EML4: variants seen among roughly 807,000 people sequenced by gnomAD.
The protein encoded by EML4 is EMAP like 4, also known as echinoderm microtubule-associated protein-like 4.
EML4 carries 72 observed loss-of-function variants against 129.0 expected under a neutral mutation model. The ratio of observed to expected loss-of-function variants is 0.56; its 90% CI spans 0.46 to 0.68. The LOEUF (loss-of-function observed/expected upper bound fraction) is 0.68. Ranked by LOEUF, EML4 falls within the 30% of genes least tolerant of loss-of-function variation. The pLI is 0.00. For synonymous variants in EML4, 532 were observed against 405.0 expected (o/e 1.31, Z -3.77); for missense variants, 1,363 against 1,190.6 (o/e 1.14, Z -2.13).
intron 1 of EML4, among the ~76,000 whole-genome samples, chr2:42,219,269 C>T (rs183690072): frequency 2.0e-5 from 3 of 152,240 alleles, no homozygotes; most frequent in South Asian, 4.1e-4. Context: ...TTCAACCAAA[C>T]GTGGATTGAA....
chr2:42,250,836 C>G (rs1675717838), intron 2 of EML4, among the ~76,000 whole-genome samples: 1 of 152,072 alleles, frequency 6.6e-6, no homozygotes, highest in Admixed American at 6.6e-5. Context: ...TACAACTCAC[C>G]ATAATGTAGA....
At chr2:42,282,720 GTCT>G in intron 7 of EML4, 100 bp from the exon 8 acceptor site, 2 of 1,033,114 alleles carry the variant, frequency 1.9e-6, no homozygotes, top group Non-Finnish European at 3.0e-6. Flanking sequence ...TTCTAGTTCA[GTCT>G]TCTTCATTGT....
intron 6 of EML4, among the ~76,000 whole-genome samples, chr2:42,273,158 A>C (rs1666468678): frequency 6.6e-6 from 1 of 152,158 alleles, no homozygotes; most frequent in Non-Finnish European, 1.5e-5. Context: ...TTTTTCATTT[A>C]TTTAGTGCTT....
rs141023873 is a variant in EML4, at chr2:42,235,728, C to A, written c.26-9777C>A. The stretch of plus-strand genomic sequence containing the variant: ...TTTTGAAATGAAGGACTGTTTTTTT[C>A]CTTAGGTTTGTAGATAATTAATCTT... On this transcript the variant is annotated intron_variant, in intron 1 of 22. Coordinates refer to ENST00000318522, the MANE Select transcript of EML4 (RefSeq NM_019063.5). Among the ~76,000 whole-genome samples the A allele has an allele frequency of 5.2e-4, 79 of 151,398 alleles. No individual in the cohort carries two copies. In the East Asian group the frequency reaches 7.5e-3, roughly 14 times the overall value.
intron 13 of EML4, among the ~76,000 whole-genome samples, chr2:42,298,659 A>G (rs1484082925): frequency 6.6e-6 from 1 of 152,146 alleles, no homozygotes; most frequent in Non-Finnish European, 1.5e-5. Context: ...ATCACTATAT[A>G]GAGTATTTTT....
chr2:42,192,432 G>T lies in EML4; in HGVS notation c.25+22796G>T, dbSNP rs188901902. 2.7e-3 allele frequency among the ~76,000 whole-genome samples: 407 copies of T among 152,032 alleles called. 2 individuals carry two copies. The highest frequency in any genetic ancestry group is 9.4e-3 in the African/African-American group (390 of 41,466). On this transcript the variant is annotated intron_variant, in intron 1 of 22. Transcript: ENST00000318522. ...TTTTTATATTTTTAGTAAAGGCAGGGTTTCACCACGTTGGCCGGACTGGTC... is the reference window on the plus strand; with the variant it reads ...TTTTTATATTTTTAGTAAAGGCAGGTTTTCACCACGTTGGCCGGACTGGTC...
At chr2:42,284,306 C>G (rs939463639) in intron 8 of EML4, among the ~76,000 whole-genome samples, 5 of 152,168 alleles carry the variant, frequency 3.3e-5, no homozygotes, top group African/African-American at 1.2e-4. Context: ...TGCATCTTCA[C>G]TATAATAAAG....
At chr2:42,170,588 T>C (rs558241636) in intron 1 of EML4, among the ~76,000 whole-genome samples, 3 of 152,336 alleles carry the variant, frequency 2.0e-5, no homozygotes, top group African/African-American at 7.2e-5. Context: ...TTCGCTGCCC[T>C]AGAAGCTGAA....
intron 11 of EML4, chr2:42,288,969 C>T (rs927942473): frequency 1.3e-4 from 20 of 152,154 alleles, no homozygotes. Flanking sequence ...TTTAAAAAGT[C>T]TGTGTAATAT....
chr2:42,205,189 A>G (rs781287069), intron 1 of EML4, among the ~76,000 whole-genome samples: 32 of 152,190 alleles, frequency 2.1e-4, no homozygotes, highest in Non-Finnish European at 3.8e-4. Flanking sequence ...TTAGATTACA[A>G]TTTGACATTT....
At chr2:42,270,825 T>C (rs1438609832) in intron 6 of EML4, among the ~76,000 whole-genome samples, 1 of 152,208 alleles carries the variant, frequency 6.6e-6, no homozygotes, top group Non-Finnish European at 1.5e-5. Context: ...TTGTTGAGTG[T>C]GGATAAACAG....
chr2:42,321,369 A>T (rs1005627631), intron 19 of EML4, among the ~76,000 whole-genome samples: 7 of 152,134 alleles, frequency 4.6e-5, no homozygotes, highest in African/African-American at 1.7e-4. Context: ...GGCGACAGCG[A>T]GACTCACATC....
At position 42,330,665 on chromosome 2, in the gene EML4, TCTTA is replaced by T. The variant is rs1317458719; in HGVS notation, c.*461_*464del. 1 of 266,076 alleles carries T rather than the reference TCTTA, an allele frequency of 3.8e-6. No homozygotes were observed. Among genetic ancestry groups the T allele is most frequent in the Admixed American group, 4.9e-5 (1 of 20,586 alleles). 16.5% of individuals were successfully genotyped at this position (266,076 alleles called of 1,614,324 possible). A position where few individuals can be genotyped will look rare whatever the true frequency, so the allele number is the denominator to read the frequency against. On this transcript the variant is annotated 3_prime_UTR_variant, in exon 23 of 23. Transcript: ENST00000318522. The stretch of plus-strand genomic sequence containing the variant: ...AAAAAGAAACCAGAAAAAAATGTAC[TCTTA>T]CTGAGATACCCTCTCACCCCAAATG...
At chr2:42,281,348 A>C (rs1034428796) in intron 7 of EML4, among the ~76,000 whole-genome samples, 2 of 151,294 alleles carry the variant, frequency 1.3e-5, no homozygotes, top group Non-Finnish European at 2.9e-5. Context: ...AGCCAAGATC[A>C]CGCCATTGGA....
intron 17 of EML4, among the ~76,000 whole-genome samples, chr2:42,306,230 T>G (rs1668585259): frequency 6.6e-6 from 1 of 152,154 alleles, no homozygotes. Flanking sequence ...TTTGGTCCAT[T>G]CTCTTTGAGA....
intron 6 of EML4, among the ~76,000 whole-genome samples, chr2:42,267,936 G>A (rs552754539): frequency 6.6e-6 from 1 of 152,306 alleles, no homozygotes; most frequent in East Asian, 1.9e-4. Flanking sequence ...TTAGGTTGTA[G>A]TACAATAATA....
chr2:42,245,480 T>C (rs1352546854), intron 1 of EML4, 25 bp from the exon 2 acceptor site: 2 of 1,538,500 alleles, frequency 1.3e-6, no homozygotes, highest in Non-Finnish European at 1.8e-6. Context: ...CTTAAAAATA[T>C]TCCATATTTT....
At chr2:42,171,837 C>T (rs180947613) in intron 1 of EML4, among the ~76,000 whole-genome samples, 4 of 152,160 alleles carry the variant, frequency 2.6e-5, no homozygotes, top group Admixed American at 2.6e-4. Context: ...TAAAACTAGG[C>T]CCCATCTTAA....
intron 1 of EML4, among the ~76,000 whole-genome samples, chr2:42,175,563 G>T (rs1196781730): frequency 6.6e-6 from 1 of 151,728 alleles, no homozygotes; most frequent in African/African-American, 2.4e-5. Context: ...CAGTGGCACA[G>T]TCTTGGCTCA....
Sources: allele counts gnomAD v4.1 joint callset (sites outside exome capture counted in the v4.1 genomes callset), GRCh38; gene constraint gnomAD v4.1.1; transcripts MANE v1.5; gene names NCBI Gene and HGNC (gene_info 2026-07-23, HGNC 2026-07-21).